KLHL32: variants seen among roughly 807,000 people sequenced by gnomAD.
The protein encoded by KLHL32 is kelch like family member 32.
Under a neutral mutation model 64.8 loss-of-function variants are expected in KLHL32, and 35 were observed. That is an observed-to-expected ratio of 0.54 (90% confidence interval 0.41 to 0.72). The LOEUF (loss-of-function observed/expected upper bound fraction) is 0.72, where lower values mean the gene tolerates loss of function less well. Ranked by LOEUF, KLHL32 falls within the 30% of genes least tolerant of loss-of-function variation. KLHL32 has a pLI of 0.00. For synonymous variants in KLHL32, 259 were observed against 281.0 expected, an observed-to-expected ratio of 0.92 and a Z score of 0.78; for missense variants, 589 against 768.5, an observed-to-expected ratio of 0.77 and a Z score of 2.76.
chr6:96,985,240 A>C (rs932914890), intron 3 of KLHL32, among the ~76,000 whole-genome samples: 13 of 152,120 alleles, frequency 8.5e-5, no homozygotes, highest in African/African-American at 2.2e-4. Context: ...CCAAGAGATC[A>C]GCTGTTAGTC....
chr6:97,050,751 C>T lies in KLHL32; in HGVS notation c.312+9152C>T, dbSNP rs919417756. Among the ~76,000 whole-genome samples, 10 of 152,256 alleles carry T rather than the reference C, an allele frequency of 6.6e-5. 1 individual carries two copies. The highest frequency in any genetic ancestry group is 2.9e-5 in the Non-Finnish European group (2 of 68,018). ...GACGCAGTGGCTCATGCCTGTAATCCCAGCACTTTGGGAGGCCGAGGTGGG... is the reference window on the plus strand; with the variant it reads ...GACGCAGTGGCTCATGCCTGTAATCTCAGCACTTTGGGAGGCCGAGGTGGG... On this transcript the variant is annotated intron_variant, in intron 4 of 10. Coordinates refer to ENST00000369261, the MANE Select transcript of KLHL32 (RefSeq NM_052904.4).
intron 7 of KLHL32, among the ~76,000 whole-genome samples, chr6:97,122,925 G>A (rs1312188503): frequency 1.3e-5 from 2 of 152,218 alleles, no homozygotes; most frequent in Non-Finnish European, 2.9e-5. Context: ...GACAGTTGCA[G>A]AGAACTTGAG....
intron 1 of KLHL32, among the ~76,000 whole-genome samples, chr6:96,964,579 G>A (rs1774240613): frequency 6.6e-6 from 1 of 152,204 alleles, no homozygotes; most frequent in Non-Finnish European, 1.5e-5. Context: ...CGTGAACCCG[G>A]GAGGCGGAGC....
rs1480275016 is a variant in KLHL32 at position 96,991,062 on chromosome 6, C to T, written c.204+14885C>T. Among the ~76,000 whole-genome samples, 41 of 151,936 alleles carry T rather than the reference C, an allele frequency of 2.7e-4. 1 individual carries two copies. Reference sequence around the variant, plus strand: ...CCCTGCTTGGTGAAGCGCAGGGGGTCAAGGCCTCATGGGGAGGAGAGACTG... The same window carrying T: ...CCCTGCTTGGTGAAGCGCAGGGGGTTAAGGCCTCATGGGGAGGAGAGACTG... On this transcript the variant is annotated intron_variant, in intron 3 of 10. Transcript: ENST00000369261.
chr6:97,140,688 G>A lies in KLHL32; in HGVS notation c.*1406G>A, dbSNP rs1800598094. On this transcript the variant is annotated 3_prime_UTR_variant, in exon 11 of 11. Coordinates refer to ENST00000369261, the MANE Select transcript of KLHL32 (RefSeq NM_052904.4). ...AGGAATCCCTCTCTTAAAGGAAATT[G>A]TTATTTTATTCATGTAACCTTTTTT... 6.6e-6 allele frequency: 1 copy of A among 151,836 alleles called. No homozygotes were observed. The highest frequency in any genetic ancestry group is 1.5e-5 in the Non-Finnish European group (1 of 67,840). 9.4% of individuals were successfully genotyped at this position (151,836 alleles called of 1,614,324 possible). A position where few individuals can be genotyped will look rare whatever the true frequency, so the allele number is the denominator to read the frequency against.
At chr6:97,089,126 C>T (rs1443553102) in intron 6 of KLHL32, among the ~76,000 whole-genome samples, 1 of 152,236 alleles carries the variant, frequency 6.6e-6, no homozygotes, top group East Asian at 1.9e-4. Context: ...GATCTGCCAA[C>T]TCCATTTCCC....
At chr6:96,951,045 A>G (rs988459285) in intron 1 of KLHL32, among the ~76,000 whole-genome samples, 1 of 152,238 alleles carries the variant, frequency 6.6e-6, no homozygotes, top group African/African-American at 2.4e-5. Context: ...AATGTTTTGT[A>G]AGTTAGGTTA....
intron 3 of KLHL32, among the ~76,000 whole-genome samples, chr6:96,997,019 TG>T (rs1778485846): frequency 6.6e-6 from 1 of 151,938 alleles, no homozygotes; most frequent in South Asian, 2.1e-4. Flanking sequence ...TTGTGATGGA[TG>T]GCGATGGGGA....
intron 5 of KLHL32, among the ~76,000 whole-genome samples, chr6:97,078,715 G>C (rs1486467964): frequency 6.6e-6 from 1 of 152,116 alleles, no homozygotes; most frequent in Non-Finnish European, 1.5e-5. Context: ...GTGTTTTTAA[G>C]GCTTTGTTTT....
At chr6:96,983,490 G>C (rs113769687) in intron 3 of KLHL32, among the ~76,000 whole-genome samples, 2 of 152,290 alleles carry the variant, frequency 1.3e-5, no homozygotes, top group African/African-American at 2.4e-5. Flanking sequence ...GTAGAATTCA[G>C]CTGTGAATTC....
chr6:97,108,073 G>A (rs1796649052), intron 6 of KLHL32, among the ~76,000 whole-genome samples: 1 of 152,186 alleles, frequency 6.6e-6, no homozygotes, highest in Non-Finnish European at 1.5e-5. Context: ...ACGGTCTGCT[G>A]TGTTGCAGGT....
At chr6:97,107,832 T>G (rs1796619232) in intron 6 of KLHL32, among the ~76,000 whole-genome samples, 1 of 152,240 alleles carries the variant, frequency 6.6e-6, no homozygotes. Context: ...ACTATTTGTT[T>G]GAGAGAATCT....
At chr6:96,925,905 G>A (rs1336390538) in intron 1 of KLHL32, among the ~76,000 whole-genome samples, 2 of 152,154 alleles carry the variant, frequency 1.3e-5, no homozygotes, top group African/African-American at 2.4e-5. Flanking sequence ...GATATAAAAT[G>A]TGTGCCATGG....
chr6:96,995,707 A>C (rs1481214521), intron 3 of KLHL32, among the ~76,000 whole-genome samples: 1 of 152,058 alleles, frequency 6.6e-6, no homozygotes, highest in Non-Finnish European at 1.5e-5. Context: ...CTCTTAGTCT[A>C]CCCTGTCCAT....
chr6:96,958,153 A>G (rs2128020899), intron 1 of KLHL32, among the ~76,000 whole-genome samples: 1 of 152,358 alleles, frequency 6.6e-6, no homozygotes, highest in South Asian at 2.1e-4. Flanking sequence ...TATGCAAAAC[A>G]TAACCATTCC....
intron 4 of KLHL32, among the ~76,000 whole-genome samples, chr6:97,042,901 G>A (rs567236682): frequency 5.9e-5 from 9 of 152,318 alleles, no homozygotes; most frequent in African/African-American, 2.2e-4. Flanking sequence ...CATGTTGATT[G>A]ATTCTTCGTG....
chr6:97,068,019 C>T (rs1790082685), intron 5 of KLHL32, among the ~76,000 whole-genome samples: 1 of 151,928 alleles, frequency 6.6e-6, no homozygotes, highest in African/African-American at 2.4e-5. Context: ...GACACACACA[C>T]ACACACACAC....
At chr6:97,055,392 G>A (rs575201681) in intron 4 of KLHL32, among the ~76,000 whole-genome samples, 9 of 152,144 alleles carry the variant, frequency 5.9e-5, no homozygotes, top group Admixed American at 5.9e-4. Context: ...TCTCCCCCAC[G>A]TAGGGTCCAG....
chr6:97,132,820 GAAGA>G (rs1799588834), intron 10 of KLHL32, 73 bp downstream of exon 10: 2 of 1,004,868 alleles, frequency 2.0e-6, no homozygotes, highest in Non-Finnish European at 3.0e-6. Context: ...TGCTGCTACT[GAAGA>G]AAGAGATATT....
Sources: allele counts gnomAD v4.1 joint callset (sites outside exome capture counted in the v4.1 genomes callset), GRCh38; gene constraint gnomAD v4.1.1; transcripts MANE v1.5; gene names NCBI Gene and HGNC (gene_info 2026-07-23, HGNC 2026-07-21).